Variants in TSGA10 observed in about 807,000 individuals in gnomAD.
The protein encoded by TSGA10 is testis-specific gene 10 protein.
A neutral mutation model predicts 96.6 loss-of-function variants in TSGA10; 43 were observed. The observed-to-expected ratio is 0.44, with a 90% CI of 0.35 to 0.57. TSGA10 has a LOEUF of 0.57. Ranked by LOEUF, TSGA10 falls within the 20% of genes least tolerant of loss-of-function variation. The probability of loss-of-function intolerance (pLI) is 0.01; values close to 1 mark genes in which losing one functional copy is unlikely to be tolerated. For synonymous variants in TSGA10, 229 were observed against 269.9 expected, an observed-to-expected ratio of 0.85 and a Z score of 1.48; for missense variants, 703 against 834.4, an observed-to-expected ratio of 0.84 and a Z score of 1.94.
intron 10 of TSGA10, chr2:99,102,765 A>G: frequency 1.9e-6 from 3 of 1,585,688 alleles, no homozygotes; most frequent in Non-Finnish European, 2.6e-6. Context: ...GGAAAATACT[A>G]CTTACTGGTT....
At chr2:99,047,237 T>A (rs1156313496) in intron 16 of TSGA10, among the ~76,000 whole-genome samples, 1 of 152,176 alleles carries the variant, frequency 6.6e-6, no homozygotes, top group African/African-American at 2.4e-5. Context: ...GCCAGCATCA[T>A]CCTGATACCA....
At chr2:99,122,683 T>TG (rs1368303157) in intron 2 of TSGA10, among the ~76,000 whole-genome samples, 6 of 150,746 alleles carry the variant, frequency 4.0e-5, no homozygotes, top group Non-Finnish European at 4.4e-5. Flanking sequence ...CCCAATTACT[T>TG]GAACGGCTGA....
At chr2:99,064,258 T>A (rs1307651338) in intron 16 of TSGA10, among the ~76,000 whole-genome samples, 1 of 152,148 alleles carries the variant, frequency 6.6e-6, no homozygotes, top group African/African-American at 2.4e-5. Context: ...TTTCCTTCAA[T>A]ATGGGAATGA....
chr2:99,061,231 A>G (rs1310830802), intron 16 of TSGA10, among the ~76,000 whole-genome samples: 1 of 152,292 alleles, frequency 6.6e-6, no homozygotes, highest in East Asian at 1.9e-4. Context: ...AGATTTGAAC[A>G]GCTACTTCAC....
At chr2:99,144,402 A>C (rs376158290) in intron 1 of TSGA10, among the ~76,000 whole-genome samples, 1 of 150,788 alleles carries the variant, frequency 6.6e-6, no homozygotes, top group East Asian at 1.9e-4. Context: ...CATAGGGCTC[A>C]CTTTATTTCC....
chr2:99,013,302 AGATGATGAT>A (rs749917862), intron 20 of TSGA10, among the ~76,000 whole-genome samples: 50 of 151,944 alleles, frequency 3.3e-4, no homozygotes, highest in Non-Finnish European at 4.0e-4. Context: ...ACTTAAGATC[AGATGATGAT>A]GATGATGATG....
intron 10 of TSGA10, among the ~76,000 whole-genome samples, chr2:99,096,857 A>T (rs2090104144): frequency 6.6e-6 from 1 of 152,256 alleles, no homozygotes; most frequent in Non-Finnish European, 1.5e-5. Flanking sequence ...TGTAGATTAA[A>T]GAGCTAGCAG....
At chr2:99,109,930 C>T (rs74447599) in intron 5 of TSGA10, among the ~76,000 whole-genome samples, 3 of 151,784 alleles carry the variant, frequency 2.0e-5, no homozygotes, top group African/African-American at 4.8e-5. Context: ...ATTGGGAGGC[C>T]GAGGCGGGCA....
At chr2:99,083,379 A>G (rs1401794335) in intron 10 of TSGA10, among the ~76,000 whole-genome samples, 1 of 152,180 alleles carries the variant, frequency 6.6e-6, no homozygotes, top group Non-Finnish European at 1.5e-5. Flanking sequence ...CAGATATCAA[A>G]AATGGGATTC....
At chr2:99,000,963 C>A (rs985469019) in intron 20 of TSGA10, among the ~76,000 whole-genome samples, 1 of 152,166 alleles carries the variant, frequency 6.6e-6, no homozygotes, top group East Asian at 1.9e-4. Context: ...GTAAACAAGG[C>A]AGCCTGGAAG....
intron 1 of TSGA10, among the ~76,000 whole-genome samples, chr2:99,147,960 T>C (rs1457227716): frequency 1.3e-5 from 2 of 152,228 alleles, no homozygotes; most frequent in African/African-American, 4.8e-5. Context: ...CCAATATTAT[T>C]ATCTAATATT....
intron 18 of TSGA10, among the ~76,000 whole-genome samples, chr2:99,019,998 A>AT (rs747443596): frequency 2.2e-3 from 340 of 152,024 alleles, no homozygotes; most frequent in Non-Finnish European, 3.1e-3. Context: ...AAACTGGTTA[A>AT]TTTTTTTTCT....
chr2:99,049,115 C>T (rs1223522310), intron 16 of TSGA10, among the ~76,000 whole-genome samples: 1 of 152,162 alleles, frequency 6.6e-6, no homozygotes, highest in Admixed American at 6.6e-5. Flanking sequence ...AATAAGAATG[C>T]TTTTACACTG....
chr2:99,125,809 C>A (rs767025839), intron 2 of TSGA10: 1 of 152,202 alleles, frequency 6.6e-6, no homozygotes, highest in Non-Finnish European at 1.5e-5. Context: ...CCCCACTAGG[C>A]CTCTGCCATT....
At chr2:99,051,916 A>G (rs2083434160) in intron 16 of TSGA10, among the ~76,000 whole-genome samples, 1 of 152,102 alleles carries the variant, frequency 6.6e-6, no homozygotes, top group Admixed American at 6.5e-5. Context: ...AAAATTGGAA[A>G]ATACTTTGAG....
intron 20 of TSGA10, among the ~76,000 whole-genome samples, chr2:99,003,653 C>T (rs139552644): frequency 6.6e-6 from 1 of 152,284 alleles, no homozygotes; most frequent in African/African-American, 2.4e-5. Flanking sequence ...AAGAAACTGA[C>T]TCAGAACTGC....
chr2:99,106,712 T>C (rs1482512807), intron 7 of TSGA10, among the ~76,000 whole-genome samples: 2 of 146,694 alleles, frequency 1.4e-5, no homozygotes, highest in Non-Finnish European at 3.0e-5. Flanking sequence ...CCTGTTCTCC[T>C]TGATATTTCA....
intron 10 of TSGA10, among the ~76,000 whole-genome samples, chr2:99,098,054 T>C (rs1181889075): frequency 6.6e-6 from 1 of 152,098 alleles, no homozygotes; most frequent in Non-Finnish European, 1.5e-5. Flanking sequence ...CAAAAAATTT[T>C]TATACAGAAA....
At chr2:99,032,440 A>C (rs188505412) in intron 17 of TSGA10, among the ~76,000 whole-genome samples, 1 of 152,352 alleles carries the variant, frequency 6.6e-6, no homozygotes, top group Admixed American at 6.5e-5. Flanking sequence ...CTCCAAGTCT[A>C]CTTTGTATAA....
Sources: gnomAD v4.1 joint callset for allele counts (sites outside exome capture counted in the v4.1 genomes callset) on GRCh38, gnomAD v4.1.1 for gene constraint, MANE v1.5 for transcripts, NCBI Gene and HGNC (gene_info 2026-07-23, HGNC 2026-07-21) for gene names.